Variants in KCNMB2 observed in about 807,000 individuals in gnomAD.
KCNMB2 encodes calcium-activated potassium channel subunit beta-2.
In KCNMB2, 9 loss-of-function variants were observed where a neutral mutation model predicts 24.5. That is an observed-to-expected ratio of 0.37 (90% confidence interval 0.22 to 0.64). The LOEUF (loss-of-function observed/expected upper bound fraction) is 0.64. Among genes scored for constraint, KCNMB2 ranks in the 30% least tolerant of loss-of-function variants. The pLI is 0.63. For synonymous variants in KCNMB2, 109 were observed against 104.4 expected, an observed-to-expected ratio of 1.04 and a Z score of -0.27; for missense variants, 226 against 284.3, an observed-to-expected ratio of 0.79 and a Z score of 1.47.
chr3:178,732,804 G>A (rs960787971), intron 1 of KCNMB2, among the ~76,000 whole-genome samples: 2 of 152,202 alleles, frequency 1.3e-5, no homozygotes, highest in African/African-American at 4.8e-5. Flanking sequence ...ACCTAACTCT[G>A]TATTTCCTCC....
intron 1 of KCNMB2, among the ~76,000 whole-genome samples, chr3:178,721,066 T>A (rs1722788037): frequency 6.6e-6 from 1 of 152,196 alleles, no homozygotes; most frequent in Non-Finnish European, 1.5e-5. Context: ...ATGTCCTGAA[T>A]GGTAATGCCT....
chr3:178,791,820 G>A (rs1447497843), intron 1 of KCNMB2, among the ~76,000 whole-genome samples: 3 of 148,298 alleles, frequency 2.0e-5, no homozygotes, highest in Non-Finnish European at 4.4e-5. Context: ...GGCCAGGAGA[G>A]GGTGGCATGA....
intron 1 of KCNMB2, among the ~76,000 whole-genome samples, chr3:178,677,327 G>T (rs1297979672): frequency 1.3e-5 from 2 of 152,128 alleles, no homozygotes; most frequent in Non-Finnish European, 2.9e-5. Flanking sequence ...GTATGTACAT[G>T]GAGGACAATT....
chr3:178,536,816 A>G (rs898889853), intron 1 of KCNMB2, 105 bp downstream of exon 1: 1 of 152,836 alleles, frequency 6.5e-6, no homozygotes, highest in African/African-American at 2.4e-5. Context: ...AGTGAGAAGC[A>G]GCAAGAGGAG....
intron 1 of KCNMB2, among the ~76,000 whole-genome samples, chr3:178,624,456 T>C (rs1719032466): frequency 6.6e-6 from 1 of 152,102 alleles, no homozygotes. Context: ...GTCAAATTTT[T>C]CTCCTTCCAA....
At chr3:178,744,307 T>G (rs555703975) in intron 1 of KCNMB2, among the ~76,000 whole-genome samples, 1 of 152,366 alleles carries the variant, frequency 6.6e-6, no homozygotes, top group African/African-American at 2.4e-5. Context: ...GAAACACTTA[T>G]TTTATAACTA....
intron 1 of KCNMB2, among the ~76,000 whole-genome samples, chr3:178,772,307 T>C (rs914725414): frequency 1.3e-5 from 2 of 152,218 alleles, no homozygotes; most frequent in Non-Finnish European, 2.9e-5. Flanking sequence ...GTAGTTGATA[T>C]GGTTTGGCTG....
chr3:178,768,565 C>A (rs770071978), intron 1 of KCNMB2, among the ~76,000 whole-genome samples: 15 of 151,890 alleles, frequency 9.9e-5, no homozygotes, highest in Non-Finnish European at 1.6e-4. Context: ...GAAAGTAAAA[C>A]CTGACAAAAT....
chr3:178,608,158 C>G (rs1366656067), intron 1 of KCNMB2, among the ~76,000 whole-genome samples: 2 of 152,128 alleles, frequency 1.3e-5, no homozygotes, highest in African/African-American at 4.8e-5. Flanking sequence ...AGTAAAGCAA[C>G]AGACACTATG....
intron 1 of KCNMB2, among the ~76,000 whole-genome samples, chr3:178,700,942 C>A (rs1295497642): frequency 6.6e-6 from 1 of 152,170 alleles, no homozygotes; most frequent in African/African-American, 2.4e-5. Flanking sequence ...TTTTGCTGTG[C>A]AGAAGCTCTT....
intron 1 of KCNMB2, among the ~76,000 whole-genome samples, chr3:178,742,053 C>T (rs1162991155): frequency 6.6e-6 from 1 of 152,122 alleles, no homozygotes; most frequent in East Asian, 1.9e-4. Flanking sequence ...GAAAGTCTAA[C>T]CAACTGTTAA....
At chr3:178,814,012 G>C (rs1278565513) in intron 2 of KCNMB2, among the ~76,000 whole-genome samples, 1 of 151,872 alleles carries the variant, frequency 6.6e-6, no homozygotes, top group Non-Finnish European at 1.5e-5. Context: ...TTTTCTAATC[G>C]TAGACTCAGG....
At chr3:178,836,944 C>T (rs1400053952) in intron 4 of KCNMB2, among the ~76,000 whole-genome samples, 1 of 152,018 alleles carries the variant, frequency 6.6e-6, no homozygotes, top group Non-Finnish European at 1.5e-5. Flanking sequence ...CATAAAAATA[C>T]CCTCTGAACA....
intron 1 of KCNMB2, among the ~76,000 whole-genome samples, chr3:178,665,262 A>T (rs1720678562): frequency 6.6e-6 from 1 of 152,176 alleles, no homozygotes; most frequent in Non-Finnish European, 1.5e-5. Flanking sequence ...AAAAGAGTTT[A>T]TTAACAAGAG....
At chr3:178,540,418 A>T (rs577361603) in intron 1 of KCNMB2, among the ~76,000 whole-genome samples, 3 of 152,128 alleles carry the variant, frequency 2.0e-5, no homozygotes, top group Admixed American at 6.5e-5. Flanking sequence ...TTCAATATTG[A>T]CGTTAAGTCC....
At chr3:178,646,593 TA>T (rs1013170947) in intron 1 of KCNMB2, among the ~76,000 whole-genome samples, 2 of 152,234 alleles carry the variant, frequency 1.3e-5, no homozygotes, top group Admixed American at 6.5e-5. Flanking sequence ...AAGAACCTGC[TA>T]TTGTAAGCGA....
intron 3 of KCNMB2, among the ~76,000 whole-genome samples, chr3:178,827,054 C>T (rs1344910041): frequency 6.6e-6 from 1 of 152,168 alleles, no homozygotes; most frequent in Non-Finnish European, 1.5e-5. Flanking sequence ...TGGAATAAAA[C>T]TTCACACATG....
intron 1 of KCNMB2, among the ~76,000 whole-genome samples, chr3:178,562,400 C>A (rs1716353515): frequency 6.6e-6 from 1 of 152,098 alleles, no homozygotes; most frequent in Admixed American, 6.5e-5. Context: ...AGACAGGATT[C>A]TGGGAAGGGA....
intron 1 of KCNMB2, among the ~76,000 whole-genome samples, chr3:178,656,896 G>C (rs1337667898): frequency 6.6e-6 from 1 of 152,076 alleles, no homozygotes; most frequent in African/African-American, 2.4e-5. Flanking sequence ...GGGGTAGGGG[G>C]GTGGTAAAGG....
Sources: allele counts gnomAD v4.1 joint callset (sites outside exome capture counted in the v4.1 genomes callset), GRCh38; gene constraint gnomAD v4.1.1; transcripts MANE v1.5; gene names NCBI Gene and HGNC (gene_info 2026-07-23, HGNC 2026-07-21).